HSD17B12: variants seen among roughly 807,000 people sequenced by gnomAD.
HSD17B12 encodes hydroxysteroid 17-beta dehydrogenase 12, also known as very-long-chain 3-oxoacyl-CoA reductase.
In HSD17B12, 32 loss-of-function variants were observed where a neutral mutation model predicts 39.3. The observed-to-expected ratio is 0.81, with a 90% CI of 0.61 to 1.09. The LOEUF (loss-of-function observed/expected upper bound fraction) is 1.09, where lower values mean the gene tolerates loss of function less well. HSD17B12 is among the 50% of genes least tolerant of loss of function. HSD17B12 has a pLI of 0.00. For missense variants in HSD17B12, 342 were observed against 382.9 expected (o/e 0.89, Z 0.89); for synonymous variants, 150 against 146.7 (o/e 1.02, Z -0.16).
the HSD17B12 span, among the ~76,000 whole-genome samples, chr11:43,662,198 T>TC: frequency 4.9e-3 from 332 of 67,836 alleles, 3 homozygotes; most frequent in African/African-American, 0.012. Flanking sequence ...AGCCCACGTC[T>TC]CTTTTTTTTT....
intron 3 of HSD17B12, among the ~76,000 whole-genome samples, chr11:43,756,406 TG>T (rs1205945354): frequency 5.3e-5 from 8 of 152,268 alleles, no homozygotes; most frequent in African/African-American, 1.9e-4. Context: ...GGTCTGAATC[TG>T]AATTAAGCCA....
chr11:43,663,578 GACA>G, the HSD17B12 span, among the ~76,000 whole-genome samples: 1 of 152,192 alleles, frequency 6.6e-6, no homozygotes, highest in Non-Finnish European at 1.5e-5. Context: ...AAGTAAGGCA[GACA>G]AATTTTGTTA....
the HSD17B12 span, among the ~76,000 whole-genome samples, chr11:43,581,873 A>C: frequency 6.6e-6 from 1 of 152,254 alleles, no homozygotes; most frequent in Non-Finnish European, 1.5e-5. The surrounding 1 kb of genome is among the most constrained non-coding windows in gnomAD (Gnocchi z 4.9). Flanking sequence ...AGAACCTGGA[A>C]TATGAATCAG....
At chr11:43,608,369 A>C in the HSD17B12 span, among the ~76,000 whole-genome samples, 11 of 152,116 alleles carry the variant, frequency 7.2e-5, no homozygotes, top group Non-Finnish European at 1.3e-4. Context: ...TCTCAAAAAA[A>C]AAAAAAAAGG....
At chr11:43,657,999 T>G in the HSD17B12 span, among the ~76,000 whole-genome samples, 60 of 152,370 alleles carry the variant, frequency 3.9e-4, no homozygotes, top group Non-Finnish European at 4.7e-4. Context: ...GTTTTCCAAC[T>G]TGGCTCCATT....
In HSD17B12 at chr11:43,737,002, C is replaced by T. The variant is rs945132044; in HGVS notation, c.161-13909C>T. Among the ~76,000 whole-genome samples, 5 of 152,310 alleles carry T rather than the reference C, an allele frequency of 3.3e-5. 1 individual carries two copies. The highest frequency in any genetic ancestry group is 1.3e-4 in the Admixed American group (2 of 15,306). On this transcript the variant is annotated intron_variant, in intron 1 of 10. Transcript: ENST00000278353. ...GCAAGCTCTCTATCATTTTCTATTC[C>T]TACCACCCTCCTCCCAAAGCCCTCA...
At chr11:43,843,845 T>G (rs1951449626) in intron 9 of HSD17B12, among the ~76,000 whole-genome samples, 1 of 152,186 alleles carries the variant, frequency 6.6e-6, no homozygotes, top group South Asian at 2.1e-4. Flanking sequence ...CCCTTCCCTG[T>G]CTCCCCACTT....
At chr11:43,776,013 C>T (rs1476146614) in intron 3 of HSD17B12, among the ~76,000 whole-genome samples, 2 of 152,082 alleles carry the variant, frequency 1.3e-5, no homozygotes, top group Non-Finnish European at 2.9e-5. Context: ...TATCGTTGGA[C>T]ATTTGGGTTG....
chr11:43,558,887 C>T, the HSD17B12 span, among the ~76,000 whole-genome samples: 1 of 151,914 alleles, frequency 6.6e-6, no homozygotes, highest in African/African-American at 2.4e-5. Context: ...CACCCCCCAC[C>T]CCAAATAACC....
chr11:43,661,179 A>G, the HSD17B12 span, among the ~76,000 whole-genome samples: 2 of 152,114 alleles, frequency 1.3e-5, no homozygotes, highest in Non-Finnish European at 2.9e-5. Context: ...CTTAATCTCA[A>G]TGGTAGTATG....
At chr11:43,694,713 T>C (rs922643213) in intron 1 of HSD17B12, among the ~76,000 whole-genome samples, 2 of 151,830 alleles carry the variant, frequency 1.3e-5, no homozygotes, top group African/African-American at 4.8e-5. Flanking sequence ...AAGTTAAAGG[T>C]CTGTTTATAT....
chr11:43,780,917 T>C (rs887303405), intron 3 of HSD17B12, among the ~76,000 whole-genome samples: 1 of 152,194 alleles, frequency 6.6e-6, no homozygotes, highest in African/African-American at 2.4e-5. Flanking sequence ...ATAACAGATA[T>C]GTATATTTTA....
chr11:43,700,141 T>C (rs1211222139), intron 1 of HSD17B12, among the ~76,000 whole-genome samples: 1 of 152,220 alleles, frequency 6.6e-6, no homozygotes, highest in Non-Finnish European at 1.5e-5. Context: ...CTAGGACTTC[T>C]AGTCTACCGT....
At chr11:43,616,160 C>T in the HSD17B12 span, among the ~76,000 whole-genome samples, 1 of 152,132 alleles carries the variant, frequency 6.6e-6, no homozygotes, top group South Asian at 2.1e-4. Flanking sequence ...GTAATACCAG[C>T]ATTTTGGGAT....
intron 1 of HSD17B12, among the ~76,000 whole-genome samples, chr11:43,735,366 C>T (rs953010706): frequency 6.6e-6 from 1 of 152,210 alleles, no homozygotes; most frequent in African/African-American, 2.4e-5. Context: ...TCAGTGGCTG[C>T]ACCATTTTAT....
chr11:43,758,569 C>G (rs1950531074), intron 3 of HSD17B12, among the ~76,000 whole-genome samples: 1 of 152,188 alleles, frequency 6.6e-6, no homozygotes, highest in South Asian at 2.1e-4. Flanking sequence ...GCAAGGTGAA[C>G]TCCATGGCTA....
chr11:43,823,519 C>T (rs770510051), intron 6 of HSD17B12, among the ~76,000 whole-genome samples: 2 of 152,098 alleles, frequency 1.3e-5, no homozygotes, highest in African/African-American at 4.8e-5. Context: ...GATCCTCCTG[C>T]CTCAGCTTCC....
the HSD17B12 span, among the ~76,000 whole-genome samples, chr11:43,651,175 A>G: frequency 6.6e-6 from 1 of 152,260 alleles, no homozygotes; most frequent in Admixed American, 6.5e-5. Context: ...GAATACCTAA[A>G]GGGCAAGGTA....
chr11:43,719,948 G>A (rs1565062775), intron 1 of HSD17B12, among the ~76,000 whole-genome samples: 1 of 152,018 alleles, frequency 6.6e-6, no homozygotes, highest in Non-Finnish European at 1.5e-5. Flanking sequence ...ATGTTATTAG[G>A]GATTGATTCT....
Sources: gnomAD v4.1 joint callset for allele counts (sites outside exome capture counted in the v4.1 genomes callset) on GRCh38, gnomAD v4.1.1 for gene constraint, Gnocchi (gnomAD v3.1) non-coding constraint, MANE v1.5 for transcripts, NCBI Gene and HGNC (gene_info 2026-07-23, HGNC 2026-07-21) for gene names.